The following CDH8 variants were observed in gnomAD, a reference collection of about 807,000 sequenced individuals.
CDH8 encodes cadherin-8.
CDH8 carries 17 observed loss-of-function variants against 68.1 expected under a neutral mutation model. The ratio of observed to expected loss-of-function variants is 0.25; its 90% CI spans 0.17 to 0.37. The LOEUF is 0.37. Among genes scored for constraint, CDH8 ranks in the 10% least tolerant of loss-of-function variants. CDH8 has a pLI of 1.00. For synonymous variants in CDH8, 372 were observed against 365.1 expected, an observed-to-expected ratio of 1.02 and a Z score of -0.21; for missense variants, 763 against 999.3, an observed-to-expected ratio of 0.76 and a Z score of 3.19.
intron 9 of CDH8, among the ~76,000 whole-genome samples, chr16:61,724,022 T>C (rs1276813631): frequency 6.6e-6 from 1 of 150,664 alleles, no homozygotes; most frequent in Admixed American, 6.7e-5. Context: ...AATGATAACA[T>C]ATATAATATT....
At chr16:61,743,110 T>C (rs1324374439) in intron 8 of CDH8, 1 of 152,214 alleles carries the variant, frequency 6.6e-6, no homozygotes. Flanking sequence ...ACTTTTAAAA[T>C]TGGAATAAAT....
chr16:61,960,554 G>A (rs909018072), intron 2 of CDH8, among the ~76,000 whole-genome samples: 7 of 152,004 alleles, frequency 4.6e-5, no homozygotes, highest in South Asian at 2.1e-4. Flanking sequence ...GTAATAAAGC[G>A]GGGAATATTG....
chr16:61,759,506 A>AGGAGACACATGTGTCTAGTGTCT (rs1436637402), intron 8 of CDH8, among the ~76,000 whole-genome samples: 20 of 152,126 alleles, frequency 1.3e-4, no homozygotes, highest in Admixed American at 5.2e-4. Flanking sequence ...GTCTAGAGTC[A>AGGAGACACATGTGTCTAGTGTCT]AAAGTCTAGG....
intron 2 of CDH8, among the ~76,000 whole-genome samples, chr16:61,933,880 A>T (rs1350532091): frequency 6.6e-6 from 1 of 152,218 alleles, no homozygotes; most frequent in Non-Finnish European, 1.5e-5. Flanking sequence ...TAAGTAGTAT[A>T]GCGAGAACAA....
At chr16:61,759,959 G>T (rs1226455783) in intron 8 of CDH8, among the ~76,000 whole-genome samples, 1 of 152,016 alleles carries the variant, frequency 6.6e-6, no homozygotes, top group Non-Finnish European at 1.5e-5. Flanking sequence ...TCACTCTTTG[G>T]ATTGTTAGTC....
intron 3 of CDH8, among the ~76,000 whole-genome samples, chr16:61,857,693 TTTAA>T (rs1963072490): frequency 6.6e-6 from 1 of 152,204 alleles, no homozygotes; most frequent in African/African-American, 2.4e-5. Flanking sequence ...TACCATCTTG[TTTAA>T]TTATTCAGAA....
Position 61,662,240 on chromosome 16 carries a change from C to T in CDH8, c.1655-6519G>A, listed in dbSNP as rs557390444. On this transcript the variant is annotated intron_variant, in intron 10 of 11. Transcript: ENST00000577390. ...TACTCATACGTTATTCAACAATCTT[C>T]TTTTCAGTCTTTCATGTTTTCATTG... 1.1e-4 allele frequency among the ~76,000 whole-genome samples: 16 copies of T among 151,822 alleles called. No individual in the cohort carries two copies. The East Asian group carries it at 2.7e-3, about 26-fold the overall frequency.
At chr16:61,686,384 C>T (rs935642223) in intron 10 of CDH8, among the ~76,000 whole-genome samples, 1 of 151,884 alleles carries the variant, frequency 6.6e-6, no homozygotes, top group African/African-American at 2.4e-5. Flanking sequence ...TTAGTTTTGC[C>T]TGTGAAAATA....
intron 10 of CDH8, among the ~76,000 whole-genome samples, chr16:61,681,009 A>T (rs563983184): frequency 1.2e-4 from 18 of 151,952 alleles, no homozygotes; most frequent in Admixed American, 2.0e-4. Context: ...ATATATATTT[A>T]AAAAAAGGAC....
intron 8 of CDH8, among the ~76,000 whole-genome samples, chr16:61,761,584 C>T (rs1960471836): frequency 6.6e-6 from 1 of 152,116 alleles, no homozygotes; most frequent in African/African-American, 2.4e-5. Flanking sequence ...TCAAAAAATA[C>T]AAAAGTATGA....
chr16:61,815,543 G>T (rs1197620773), intron 7 of CDH8, among the ~76,000 whole-genome samples: 4 of 152,164 alleles, frequency 2.6e-5, no homozygotes, highest in Non-Finnish European at 5.9e-5. Flanking sequence ...TCTCTGCACA[G>T]CCAGTCCATT....
chr16:61,673,455 G>A (rs1221332024), intron 10 of CDH8, among the ~76,000 whole-genome samples: 1 of 152,012 alleles, frequency 6.6e-6, no homozygotes, highest in Non-Finnish European at 1.5e-5. Flanking sequence ...TGTGAATTCA[G>A]ATTTTTCTAA....
rs1964643784 is a variant in CDH8 at position 61,712,195 on chromosome 16, C to T, written c.1654+1646G>A. On this transcript the variant is annotated intron_variant, in intron 10 of 11. Coordinates refer to ENST00000577390, the MANE Select transcript of CDH8 (RefSeq NM_001796.5). ...CTACTAATTCCAAAATTCAAGAAAA[C>T]ACATAAAATTCATTTATTGTAGAAT... Among the ~76,000 whole-genome samples the T allele has an allele frequency of 4.0e-5, 6 of 151,498 alleles. No individual in the cohort carries two copies. The South Asian group carries it at 1.2e-3, about 31-fold the overall frequency.
At chr16:62,009,329 A>G (rs1901751951) in intron 2 of CDH8, among the ~76,000 whole-genome samples, 1 of 152,158 alleles carries the variant, frequency 6.6e-6, no homozygotes, top group Non-Finnish European at 1.5e-5. Flanking sequence ...AGAAGTACAT[A>G]TCTATTTGGA....
chr16:61,700,824 C>T (rs530023144), intron 10 of CDH8, among the ~76,000 whole-genome samples: 1 of 152,216 alleles, frequency 6.6e-6, no homozygotes, highest in African/African-American at 2.4e-5. Flanking sequence ...AGTTCTATTG[C>T]ACCATAGGGT....
intron 9 of CDH8, among the ~76,000 whole-genome samples, chr16:61,715,979 T>A (rs564789396): frequency 6.6e-6 from 1 of 151,834 alleles, no homozygotes; most frequent in African/African-American, 2.4e-5. Flanking sequence ...GGAAAAACAT[T>A]GCTTGTGAGC....
intron 8 of CDH8, among the ~76,000 whole-genome samples, chr16:61,763,955 A>G (rs1207224038): frequency 6.6e-6 from 1 of 152,196 alleles, no homozygotes; most frequent in East Asian, 1.9e-4. Context: ...ATGTTATTGA[A>G]CATGATATGC....
chr16:62,027,913 G>A (rs1452966257), intron 1 of CDH8, among the ~76,000 whole-genome samples: 2 of 151,988 alleles, frequency 1.3e-5, no homozygotes, highest in African/African-American at 4.8e-5. Flanking sequence ...ACATACACGT[G>A]CACATATTAT....
At chr16:61,761,104 T>C (rs533091889) in intron 8 of CDH8, among the ~76,000 whole-genome samples, 2 of 152,290 alleles carry the variant, frequency 1.3e-5, no homozygotes, top group South Asian at 4.1e-4. Context: ...TAAATATGTG[T>C]GTATAATTTA....
Sources: allele counts gnomAD v4.1 joint callset (sites outside exome capture counted in the v4.1 genomes callset), GRCh38; gene constraint gnomAD v4.1.1; transcripts MANE v1.5; gene names NCBI Gene and HGNC (gene_info 2026-07-23, HGNC 2026-07-21).